Variants in SCARB2 observed in about 807,000 individuals in gnomAD.
The protein encoded by SCARB2 is scavenger receptor class B member 2.
SCARB2 carries 29 observed loss-of-function variants against 58.6 expected under a neutral mutation model. The observed-to-expected ratio is 0.49, with a 90% CI of 0.37 to 0.67. SCARB2 has a LOEUF of 0.67. Ranked by LOEUF, SCARB2 falls within the 30% of genes least tolerant of loss-of-function variation. The pLI, the probability that SCARB2 is intolerant of heterozygous loss-of-function variation, is 0.00. For synonymous variants in SCARB2, 195 were observed against 210.1 expected (o/e 0.93, Z 0.62); for missense variants, 488 against 578.5 (o/e 0.84, Z 1.60).
Position 76,213,442 on chromosome 4 carries a change from G to C in SCARB2, c.102C>G (p.Asp34Glu). Reference protein sequence around the residue: ...LVARVFQKAVDQSIEKKIVLR... With the variant: ...LVARVFQKAVEQSIEKKIVLR... The stretch of plus-strand genomic sequence containing the variant: ...CCCGCCTCACCTTCTCGATACTCTG[G>C]TCTACAGCCTTCTGGAAGACCCGGG... The change falls in exon 1 of 12, where the codon GAC becomes GAG. Residue 34 changes from aspartate to glutamate, a missense_variant. Coordinates refer to ENST00000264896, the MANE Select transcript of SCARB2 (RefSeq NM_005506.4). 6.2e-7 allele frequency: 1 copy of C among 1,610,030 alleles called. No individual in the cohort carries two copies. The highest frequency in any genetic ancestry group is 8.5e-7 in the Non-Finnish European group (1 of 1,177,856).
chr4:76,201,590 A>T (rs1732829703), intron 1 of SCARB2, among the ~76,000 whole-genome samples: 1 of 152,236 alleles, frequency 6.6e-6, no homozygotes, highest in Admixed American at 6.5e-5. Context: ...AAGAAAGGTG[A>T]TCTGAATAAA....
At chr4:76,230,685 C>T (rs1258131743) in intron 1 of SCARB2, among the ~76,000 whole-genome samples, 4 of 152,032 alleles carry the variant, frequency 2.6e-5, no homozygotes, top group Non-Finnish European at 4.4e-5. Context: ...CTCTTCTGTC[C>T]TTCCATCCCC....
intron 1 of SCARB2, among the ~76,000 whole-genome samples, chr4:76,202,267 C>T (rs1259020250): frequency 6.6e-6 from 1 of 151,978 alleles, no homozygotes; most frequent in Non-Finnish European, 1.5e-5. Context: ...TATTCAGTTA[C>T]TTATTTATTT....
At chr4:76,179,405 G>C (rs1025324408) in intron 4 of SCARB2, 112 bp downstream of exon 4, 22 of 826,992 alleles carry the variant, frequency 2.7e-5, no homozygotes, top group Non-Finnish European at 4.1e-5. Flanking sequence ...CACTCTATAA[G>C]ATAACTTAAC....
rs1465922 is a variant in SCARB2 at position 76,213,717 on chromosome 4, G to A, written c.-174C>T. ...TGGGCTCCGCGGCCTGGCGAGCGCG[G>A]CCCCGGGTGCACCGGGCGGATGGGG... On this transcript the variant is annotated 5_prime_UTR_variant, in exon 1 of 12. Transcript: ENST00000264896. 0.59 allele frequency: 308,686 copies of A among 520,840 alleles called. 94,536 individuals carry two copies. The highest frequency in any genetic ancestry group is 0.69 in the Middle Eastern group (1,345 of 1,962). The allele number at this position is 520,840 out of a possible 1,614,324, so 32.3% of individuals were successfully genotyped here.
At chr4:76,207,037 AT>A (rs1461648157) in intron 1 of SCARB2, among the ~76,000 whole-genome samples, 1 of 152,238 alleles carries the variant, frequency 6.6e-6, no homozygotes, top group African/African-American at 2.4e-5. Context: ...TTCTAAAAAA[AT>A]AATTAAATGA....
At chr4:76,221,817 C>A (rs530292487) in intron 1 of SCARB2, among the ~76,000 whole-genome samples, 1 of 152,302 alleles carries the variant, frequency 6.6e-6, no homozygotes, top group South Asian at 2.1e-4. Flanking sequence ...ATGCTCACTA[C>A]CTGGGTGACA....
intron 1 of SCARB2, among the ~76,000 whole-genome samples, chr4:76,222,966 T>C (rs1733336334): frequency 6.6e-6 from 1 of 152,064 alleles, no homozygotes; most frequent in Non-Finnish European, 1.5e-5. Context: ...GAATCGACCA[T>C]GTAGGTGTAA....
chr4:76,171,049 T>C (rs1732120068), intron 7 of SCARB2, among the ~76,000 whole-genome samples: 1 of 151,076 alleles, frequency 6.6e-6, no homozygotes, highest in Non-Finnish European at 1.5e-5. Context: ...GACCCAACAA[T>C]TGCTGCCAGG....
chr4:76,168,208 G>C (rs1450166176), intron 9 of SCARB2, among the ~76,000 whole-genome samples, 195 bp downstream of exon 9: 1 of 152,210 alleles, frequency 6.6e-6, no homozygotes, highest in African/African-American at 2.4e-5. Context: ...GAAGTACTCT[G>C]TAAGTGTATG....
intron 1 of SCARB2, among the ~76,000 whole-genome samples, chr4:76,210,808 A>G (rs886534905): frequency 2.0e-5 from 3 of 152,238 alleles, no homozygotes; most frequent in Non-Finnish European, 4.4e-5. Context: ...GTTCAAGGAC[A>G]ATTATCATTT....
At chr4:76,211,966 T>C (rs1050291928) in intron 1 of SCARB2, among the ~76,000 whole-genome samples, 1 of 152,142 alleles carries the variant, frequency 6.6e-6, no homozygotes, top group East Asian at 1.9e-4. Flanking sequence ...CCCAGCCAAG[T>C]TGCCTTACAG....
At chr4:76,212,457 G>T (rs1234841181) in intron 1 of SCARB2, among the ~76,000 whole-genome samples, 1 of 152,228 alleles carries the variant, frequency 6.6e-6, no homozygotes, top group South Asian at 2.1e-4. Flanking sequence ...TTACTGACTG[G>T]AGAGTGCAGT....
Position 76,161,739 on chromosome 4 carries a change from C to G in SCARB2, c.1411G>C (p.Glu471Gln). 6.2e-7 allele frequency: 1 copy of G among 1,614,160 alleles called. No homozygotes were observed. Among genetic ancestry groups the G allele is most frequent in the East Asian group, 2.2e-5 (1 of 44,860 alleles). ...QGSMDEGTADERAPLIRT is the reference protein window; with the variant it reads ...QGSMDEGTADQRAPLIRT ...TAGGTTCGAATGAGGGGTGCTCTTT[C>G]ATCCGCTGTTCCCTGAAACACAGAA... Residue 471 changes from glutamate (E) to glutamine (Q), a missense_variant, in exon 12 of 12, where the codon GAA (glutamate) becomes CAA (glutamine). Transcript: ENST00000264896.
rs1303235335 is a variant in SCARB2 at position 76,169,988 on chromosome 4, G to A, written c.995-3C>T. The A allele has an allele frequency of 6.2e-7, 1 of 1,604,928 alleles. No individual in the cohort carries two copies. Among genetic ancestry groups the A allele is most frequent in the South Asian group, 1.1e-5 (1 of 90,868 alleles). The stretch of plus-strand genomic sequence containing the variant: ...GAAAGACATAATGATGGGTGCACCT[G>A]CATTTGAAGGAAAACAGAAATGAAT... On this transcript the variant is annotated splice_region_variant and splice_polypyrimidine_tract_variant and intron_variant, in intron 7 of 11. Transcript: ENST00000264896.
chr4:76,158,797 CA>C lies in SCARB2; in HGVS notation c.*2915del, dbSNP rs1731835595. The C allele has an allele frequency of 1.3e-5, 2 of 152,104 alleles. No homozygotes were observed. The highest frequency in any genetic ancestry group is 4.8e-5 in the African/African-American group (2 of 41,426). The allele number at this position is 152,104 out of a possible 1,614,324, so 9.4% of individuals were successfully genotyped here. A position where few individuals can be genotyped will look rare whatever the true frequency, so the allele number is the denominator to read the frequency against. The stretch of plus-strand genomic sequence containing the variant: ...TCATTGCATTAAGGGTAGAAATAAA[CA>C]TGTCAAGAACCGCATGAAGTGAACC... On this transcript the variant is annotated 3_prime_UTR_variant, in exon 12 of 12. Transcript: ENST00000264896.
At chr4:76,231,983 C>T (rs4859639) in intron 1 of SCARB2, among the ~76,000 whole-genome samples, 22,786 of 152,140 alleles carry the variant, frequency 0.15, 2,027 homozygotes, top group East Asian at 0.35. Flanking sequence ...CAATTGTGTC[C>T]CGTTGCAAGA....
At chr4:76,209,227 T>A (rs1287434558) in intron 1 of SCARB2, among the ~76,000 whole-genome samples, 1 of 152,220 alleles carries the variant, frequency 6.6e-6, no homozygotes, top group Non-Finnish European at 1.5e-5. Flanking sequence ...GAAGGAGCCT[T>A]TTAAAATGAT....
At chr4:76,205,809 T>A (rs1560720196) in intron 1 of SCARB2, among the ~76,000 whole-genome samples, 1 of 152,206 alleles carries the variant, frequency 6.6e-6, no homozygotes, top group Non-Finnish European at 1.5e-5. Flanking sequence ...CATGATCCTC[T>A]CAAGCTATCT....
Sources: allele counts gnomAD v4.1 joint callset (sites outside exome capture counted in the v4.1 genomes callset), GRCh38; gene constraint gnomAD v4.1.1; transcripts MANE v1.5; gene names NCBI Gene and HGNC (gene_info 2026-07-23, HGNC 2026-07-21).